SPIDR: variants seen among roughly 807,000 people sequenced by gnomAD.
The protein encoded by SPIDR is scaffold protein involved in DNA repair.
SPIDR carries 93 observed loss-of-function variants against 104.6 expected under a neutral mutation model. That is an observed-to-expected ratio of 0.89 (90% CI 0.75 to 1.06). The LOEUF is 1.06. Ranked by LOEUF, SPIDR falls within the 50% of genes least tolerant of loss-of-function variation. SPIDR has a pLI of 0.00. For missense variants in SPIDR, 1,154 were observed against 1,111.2 expected (o/e 1.04, Z -0.55); for synonymous variants, 431 against 416.9 (o/e 1.03, Z -0.41).
chr8:47,275,238 G>A (rs1241223913), intron 1 of SPIDR, among the ~76,000 whole-genome samples: 3 of 151,502 alleles, frequency 2.0e-5, no homozygotes, highest in Non-Finnish European at 2.9e-5. Flanking sequence ...CAGCCTGGGG[G>A]AGAGAGCGAG....
intron 8 of SPIDR, among the ~76,000 whole-genome samples, chr8:47,441,886 ATTAT>A (rs1207059063): frequency 6.6e-6 from 1 of 152,156 alleles, no homozygotes; most frequent in Non-Finnish European, 1.5e-5. Flanking sequence ...GAGTCCCAAC[ATTAT>A]TTATTGAACA....
At chr8:47,478,910 A>T (rs1473540185) in intron 8 of SPIDR, among the ~76,000 whole-genome samples, 1 of 152,248 alleles carries the variant, frequency 6.6e-6, no homozygotes, top group Non-Finnish European at 1.5e-5. Flanking sequence ...GTGTTTAATT[A>T]GCAGAGGCAC....
chr8:47,548,324 T>C (rs1398418111), intron 8 of SPIDR, among the ~76,000 whole-genome samples: 2 of 152,026 alleles, frequency 1.3e-5, no homozygotes, highest in African/African-American at 2.4e-5. Flanking sequence ...GGGAAGAAAA[T>C]AGAATAAATA....
At chr8:47,684,803 C>A (rs2077536270) in intron 11 of SPIDR, among the ~76,000 whole-genome samples, 1 of 152,120 alleles carries the variant, frequency 6.6e-6, no homozygotes, top group Admixed American at 6.5e-5. Flanking sequence ...CATGTTTTTC[C>A]CAAGGAAGAA....
intron 5 of SPIDR, among the ~76,000 whole-genome samples, chr8:47,312,699 G>T (rs1229997099): frequency 1.3e-4 from 20 of 152,152 alleles, no homozygotes; most frequent in East Asian, 5.8e-4. Context: ...GTAGTTTCTT[G>T]TGCTGTGCAG....
chr8:47,678,805 A>G (rs1397622304), intron 11 of SPIDR, among the ~76,000 whole-genome samples: 2 of 152,174 alleles, frequency 1.3e-5, no homozygotes, highest in Non-Finnish European at 2.9e-5. Context: ...GAATGAGCCA[A>G]TTGAGAAGCT....
intron 3 of SPIDR, among the ~76,000 whole-genome samples, chr8:47,284,661 G>C (rs1235996191): frequency 6.6e-6 from 1 of 152,146 alleles, no homozygotes; most frequent in Non-Finnish European, 1.5e-5. Flanking sequence ...TGGTCAGGAG[G>C]TGTTGGCTGA....
At chr8:47,392,143 T>G (rs1243693266) in intron 5 of SPIDR, among the ~76,000 whole-genome samples, 1 of 152,198 alleles carries the variant, frequency 6.6e-6, no homozygotes, top group Non-Finnish European at 1.5e-5. Flanking sequence ...ATTTGCTAAA[T>G]GCTTATATGT....
At chr8:47,312,556 T>G (rs1173712927) in intron 5 of SPIDR, among the ~76,000 whole-genome samples, 1 of 152,112 alleles carries the variant, frequency 6.6e-6, no homozygotes, top group African/African-American at 2.4e-5. Context: ...CACCCACTTT[T>G]TGATGGGGTT....
At chr8:47,389,918 A>C (rs1253810730) in intron 5 of SPIDR, among the ~76,000 whole-genome samples, 1 of 152,126 alleles carries the variant, frequency 6.6e-6, no homozygotes, top group Admixed American at 6.5e-5. Flanking sequence ...TATGGAACAC[A>C]TAGATCCAGA....
At chr8:47,308,317 C>T (rs781838456) in intron 5 of SPIDR, among the ~76,000 whole-genome samples, 4 of 151,950 alleles carry the variant, frequency 2.6e-5, no homozygotes, top group Non-Finnish European at 5.9e-5. Flanking sequence ...CCCACCTCAG[C>T]CTCCCAAAGT....
chr8:47,702,083 TCTCTCTCTCTCTCTTACA>T lies in SPIDR; in HGVS notation c.1977+70_1977+87del, dbSNP rs1367206496. On this transcript the variant is annotated intron_variant, in intron 14 of 19. Coordinates refer to ENST00000297423, the MANE Select transcript of SPIDR (RefSeq NM_001080394.4). ...CTCTCTCTCTCTCTCTCTCTCTCTC[TCTCTCTCTCTCTCTTACA>T]CACACACACACACACACACACACAC... 269 of 325,130 alleles carry T rather than the reference TCTCTCTCTCTCTCTTACA, an allele frequency of 8.3e-4. 4 individuals are homozygous for T. The highest frequency in any genetic ancestry group is 4.3e-3 in the African/African-American group (117 of 27,458). 20.1% of individuals were successfully genotyped at this position (325,130 alleles called of 1,614,324 possible).
chr8:47,698,556 A>G (rs1775513155), intron 11 of SPIDR, among the ~76,000 whole-genome samples: 1 of 152,254 alleles, frequency 6.6e-6, no homozygotes, highest in Non-Finnish European at 1.5e-5. Flanking sequence ...TCAGCTAAGC[A>G]TTGTGCATTA....
chr8:47,327,202 G>A (rs2047802483), intron 5 of SPIDR, among the ~76,000 whole-genome samples: 1 of 152,070 alleles, frequency 6.6e-6, no homozygotes, highest in Admixed American at 6.6e-5. Flanking sequence ...AGCTAATGAT[G>A]ATGAGCACTG....
At chr8:47,520,957 C>T (rs1256322095) in intron 8 of SPIDR, among the ~76,000 whole-genome samples, 1 of 152,206 alleles carries the variant, frequency 6.6e-6, no homozygotes, top group African/African-American at 2.4e-5. Context: ...CATCGTCCTG[C>T]TGCTCCATAT....
At chr8:47,576,824 C>G (rs2059183949) in intron 8 of SPIDR, among the ~76,000 whole-genome samples, 1 of 152,116 alleles carries the variant, frequency 6.6e-6, no homozygotes, top group African/African-American at 2.4e-5. Context: ...TATCGTTATA[C>G]CTGTATACAA....
chr8:47,629,341 ATAT>A (rs2066695103), intron 10 of SPIDR, among the ~76,000 whole-genome samples: 1 of 152,210 alleles, frequency 6.6e-6, no homozygotes, highest in South Asian at 2.1e-4. Context: ...ATTGGCAAGC[ATAT>A]TATTTTAGGC....
Position 47,662,165 on chromosome 8 carries a change from T to C in SPIDR, c.1545-11636T>C, listed in dbSNP as rs143106917. 8.6e-3 allele frequency among the ~76,000 whole-genome samples: 1,308 copies of C among 152,268 alleles called. 14 individuals are homozygous for C. Among genetic ancestry groups the C allele is most frequent in the African/African-American group, 0.029 (1,201 of 41,536 alleles). The stretch of plus-strand genomic sequence containing the variant: ...GCTCTCCAGCCTCTGCCTTGAAATG[T>C]TTCTCGAATGCCTTCTCACATGCTG... On this transcript the variant is annotated intron_variant, in intron 10 of 19. Coordinates refer to ENST00000297423, the MANE Select transcript of SPIDR (RefSeq NM_001080394.4).
chr8:47,645,903 G>T lies in SPIDR; in HGVS notation c.1545-27898G>T, dbSNP rs543667290. Among the ~76,000 whole-genome samples the T allele has an allele frequency of 1.8e-3, 278 of 152,302 alleles. 1 individual carries two copies. The highest frequency in any genetic ancestry group is 2.6e-3 in the Non-Finnish European group (179 of 68,026). On this transcript the variant is annotated intron_variant, in intron 10 of 19. Transcript: ENST00000297423. ...AATCGTAAAAGTTCTAGAAGAAATA[G>T]TGGGAGAAGTATCTTGAGGTGGAAG...
Sources: gnomAD v4.1 joint callset for allele counts (sites outside exome capture counted in the v4.1 genomes callset) on GRCh38, gnomAD v4.1.1 for gene constraint, MANE v1.5 for transcripts, NCBI Gene and HGNC (gene_info 2026-07-23, HGNC 2026-07-21) for gene names.